Variants in FAT4 observed in about 807,000 individuals in gnomAD.
FAT4 encodes FAT atypical cadherin 4.
FAT4 carries 84 observed loss-of-function variants against 303.9 expected under a neutral mutation model. The observed-to-expected ratio is 0.28, with a 90% CI of 0.23 to 0.33. FAT4 has a LOEUF of 0.33. Ranked by LOEUF, FAT4 falls within the 10% of genes least tolerant of loss-of-function variation. The pLI, the probability that FAT4 is intolerant of heterozygous loss-of-function variation, is 1.00. For missense variants in FAT4, 6,005 were observed against 6,146.8 expected, an observed-to-expected ratio of 0.98 and a Z score of 0.77; for synonymous variants, 2,307 against 2,298.8, an observed-to-expected ratio of 1.00 and a Z score of -0.10.
Position 125,315,054 on chromosome 4 carries a change from CTGTGTGTGTGTGTGTGCGTGTGTA to C in FAT4, c.-921_-898del, listed in dbSNP as rs901349524. 7.3e-5 allele frequency among the ~76,000 whole-genome samples: 11 copies of C among 151,048 alleles called. No individual in the cohort carries two copies. The highest frequency in any genetic ancestry group is 2.1e-4 in the South Asian group (1 of 4,770). ...CCTCTGTTTGTGTTTCGGCGACGCG[CTGTGTGTGTGTGTGTGCGTGTGTA>C]TGTGTGTGTGTGTGCATGCCTGTGC... On this transcript the variant is annotated 5_prime_UTR_variant, in exon 1 of 18. The change abolishes an upstream ATG in the 5' untranslated region. Transcript: ENST00000394329.
rs911179212 is a variant in FAT4, at chr4:125,415,429, C to A, written c.6466C>A (p.Gln2156Lys). The A allele has an allele frequency of 6.2e-7, 1 of 1,613,968 alleles. No individual in the cohort carries two copies. Among genetic ancestry groups the A allele is most frequent in the Non-Finnish European group, 8.5e-7 (1 of 1,180,008 alleles). ...DINDNNPIFAQALYKVEINEN... is the reference protein window; with the variant it reads ...DINDNNPIFAKALYKVEINEN... ...CAATGATAACAACCCCATCTTTGCA[C>A]AAGCTTTGTATAAAGTGGAGATTAA... Residue 2156 changes from glutamine (Q) to lysine (K), a missense_variant, in exon 6 of 18, where the codon CAA becomes AAA. Transcript: ENST00000394329.
Position 125,450,708 on chromosome 4 carries a change from A to C in FAT4, c.9698A>C (p.Tyr3233Ser). The change falls in exon 10 of 18, where the codon TAT (tyrosine) becomes TCT (serine). Residue 3233 changes from tyrosine to serine, a missense_variant. By Grantham distance (144) the Tyr-to-Ser change is moderately radical. Transcript: ENST00000394329. ...ADSGTNAVIA[Y>S]TVQSSDSDLF... is the part of the protein sequence containing the mutation. Reference sequence around the variant, plus strand: ...TCTGGAACAAATGCTGTGATTGCGTATACTGTACAGTCATCTGACAGTGAC... The same window carrying C: ...TCTGGAACAAATGCTGTGATTGCGTCTACTGTACAGTCATCTGACAGTGAC... 6.2e-7 allele frequency: 1 copy of C among 1,614,148 alleles called. No homozygotes were observed. The highest frequency in any genetic ancestry group is 8.5e-7 in the Non-Finnish European group (1 of 1,180,024).
intron 10 of FAT4, among the ~76,000 whole-genome samples, chr4:125,459,645 TG>T (rs1578670917): frequency 6.6e-6 from 1 of 152,040 alleles, no homozygotes; most frequent in African/African-American, 2.4e-5. Flanking sequence ...CATATCTTAA[TG>T]GAAGGAGGCC....
chr4:125,385,748 G>A (rs953364484), intron 2 of FAT4, among the ~76,000 whole-genome samples: 3 of 152,024 alleles, frequency 2.0e-5, no homozygotes, highest in African/African-American at 7.2e-5. Context: ...TAAGTGTACA[G>A]ATGTTTTATC....
intron 2 of FAT4, among the ~76,000 whole-genome samples, chr4:125,353,061 A>G (rs1732291766): frequency 6.6e-6 from 1 of 151,752 alleles, no homozygotes; most frequent in Non-Finnish European, 1.5e-5. Flanking sequence ...TCTTTGTGAA[A>G]TTTTAGCAGA....
chr4:125,428,944 C>T (rs1192221462), intron 7 of FAT4, among the ~76,000 whole-genome samples: 4 of 152,148 alleles, frequency 2.6e-5, no homozygotes, highest in Non-Finnish European at 5.9e-5. Flanking sequence ...TTTGTGATTG[C>T]ATCTGGTTTT....
chr4:125,329,026 CT>C (rs1467081924), intron 2 of FAT4, among the ~76,000 whole-genome samples: 1 of 152,152 alleles, frequency 6.6e-6, no homozygotes, highest in Non-Finnish European at 1.5e-5. Context: ...AGTAGGATTA[CT>C]TTAGGTCCCT....
intron 2 of FAT4, among the ~76,000 whole-genome samples, chr4:125,388,643 T>TAA (rs1374292530): frequency 2.0e-5 from 3 of 152,198 alleles, no homozygotes; most frequent in African/African-American, 7.2e-5. Flanking sequence ...AAGAATTTGT[T>TAA]AAAATGCAGA....
At chr4:125,429,109 A>G (rs543337321) in intron 7 of FAT4, among the ~76,000 whole-genome samples, 1 of 152,298 alleles carries the variant, frequency 6.6e-6, no homozygotes, top group Non-Finnish European at 1.5e-5. Context: ...TCTGTTTCTA[A>G]GTAGTACACT....
intron 17 of FAT4, 30 bp from the exon 18 acceptor site, chr4:125,489,867 TTGTA>T: frequency 2.8e-6 from 3 of 1,074,068 alleles, no homozygotes; most frequent in Middle Eastern, 3.6e-4. Context: ...TTTTTTTTTT[TTGTA>T]AAAAGCCTTA....
chr4:125,343,996 T>C (rs1731898270), intron 2 of FAT4, among the ~76,000 whole-genome samples: 2 of 152,120 alleles, frequency 1.3e-5, no homozygotes, highest in Admixed American at 6.6e-5. Context: ...GTTAGAGGAA[T>C]TGAGCAGGAG....
At chr4:125,346,832 C>A (rs1448629910) in intron 2 of FAT4, among the ~76,000 whole-genome samples, 1 of 151,912 alleles carries the variant, frequency 6.6e-6, no homozygotes, top group Non-Finnish European at 1.5e-5. Context: ...AGCATTGTGC[C>A]ATGGTTTGTT....
rs575271248 is a variant in FAT4, at chr4:125,395,780, T to C, written c.5176-3004T>C. 7.2e-5 allele frequency among the ~76,000 whole-genome samples: 11 copies of C among 152,310 alleles called. 1 individual carries two copies. The South Asian group carries it at 1.2e-3, about 17-fold the overall frequency. ...TCTAGATCTGTATATACAACTGGTC[T>C]ATATAGATTCATTCAAAAAGGTGTC... On this transcript the variant is annotated intron_variant, in intron 2 of 17. Coordinates refer to ENST00000394329, the MANE Select transcript of FAT4 (RefSeq NM_001291303.3).
chr4:125,474,009 C>A (rs1274561948), intron 12 of FAT4, among the ~76,000 whole-genome samples: 1 of 151,894 alleles, frequency 6.6e-6, no homozygotes, highest in Non-Finnish European at 1.5e-5. Flanking sequence ...AGCTTTAAGT[C>A]ATTGCATAGT....
intron 7 of FAT4, among the ~76,000 whole-genome samples, chr4:125,430,514 A>G (rs1725249038): frequency 6.6e-6 from 1 of 152,188 alleles, no homozygotes; most frequent in African/African-American, 2.4e-5. Flanking sequence ...AATCTCAGTA[A>G]AAGGCTTAGA....
intron 8 of FAT4, among the ~76,000 whole-genome samples, chr4:125,437,102 A>T (rs1212143472): frequency 2.0e-5 from 3 of 151,934 alleles, no homozygotes; most frequent in Non-Finnish European, 4.4e-5. Flanking sequence ...TGATCTGCCC[A>T]CTTCCGCCTT....
intron 10 of FAT4, among the ~76,000 whole-genome samples, chr4:125,455,366 A>G (rs4834046): frequency 0.25 from 38,725 of 152,128 alleles, 5,965 homozygotes; most frequent in East Asian, 0.59. Flanking sequence ...TTAAATATAC[A>G]TTGCATACTT....
At chr4:125,403,564 A>G (rs1272890532) in intron 3 of FAT4, among the ~76,000 whole-genome samples, 1 of 152,078 alleles carries the variant, frequency 6.6e-6, no homozygotes, top group African/African-American at 2.4e-5. Flanking sequence ...TGACACCCAC[A>G]TAAAATGACC....
intron 16 of FAT4, among the ~76,000 whole-genome samples, chr4:125,485,483 C>T (rs1320412959): frequency 6.6e-6 from 1 of 152,044 alleles, no homozygotes; most frequent in Non-Finnish European, 1.5e-5. Context: ...TTAGCCTCAG[C>T]CTACACAGGG....
Sources: allele counts gnomAD v4.1 joint callset (sites outside exome capture counted in the v4.1 genomes callset), GRCh38; gene constraint gnomAD v4.1.1; transcripts MANE v1.5; gene names NCBI Gene and HGNC (gene_info 2026-07-23, HGNC 2026-07-21).